The following PRR5L variants were observed in gnomAD, a reference collection of about 807,000 sequenced individuals.
PRR5L encodes proline rich 5 like.
Under a neutral mutation model 36.4 loss-of-function variants are expected in PRR5L, and 21 were observed. The observed-to-expected ratio is 0.58, with a 90% CI of 0.41 to 0.83. The LOEUF (loss-of-function observed/expected upper bound fraction) is 0.83. PRR5L is among the 40% of genes least tolerant of loss of function. The pLI, the probability that PRR5L is intolerant of heterozygous loss-of-function variation, is 0.00. For missense variants in PRR5L, 381 were observed against 473.3 expected, an observed-to-expected ratio of 0.80 and a Z score of 1.81; for synonymous variants, 188 against 197.0, an observed-to-expected ratio of 0.95 and a Z score of 0.38.
At chr11:36,317,438 G>A (rs1415981802) in intron 1 of PRR5L, among the ~76,000 whole-genome samples, 2 of 152,220 alleles carry the variant, frequency 1.3e-5, no homozygotes, top group African/African-American at 4.8e-5. Flanking sequence ...CCAAATGGTA[G>A]AGATAGTGTG....
intron 1 of PRR5L, among the ~76,000 whole-genome samples, chr11:36,392,235 G>A (rs1234752983): frequency 6.6e-6 from 1 of 152,170 alleles, no homozygotes; most frequent in African/African-American, 2.4e-5. Flanking sequence ...CACTTAGATT[G>A]CATACAGATT....
chr11:36,305,939 T>G (rs1351177210), intron 1 of PRR5L, among the ~76,000 whole-genome samples: 1 of 152,240 alleles, frequency 6.6e-6, no homozygotes, highest in Non-Finnish European at 1.5e-5. Flanking sequence ...AAGGTTGCTG[T>G]GAGGACTGAC....
At chr11:36,342,693 C>G (rs1040660682) in intron 1 of PRR5L, among the ~76,000 whole-genome samples, 3 of 152,152 alleles carry the variant, frequency 2.0e-5, no homozygotes, top group East Asian at 3.9e-4. Flanking sequence ...GATGGGGCAC[C>G]CTTTCTGGTC....
At chr11:36,370,262 T>G (rs1333787305) in intron 1 of PRR5L, among the ~76,000 whole-genome samples, 1 of 152,224 alleles carries the variant, frequency 6.6e-6, no homozygotes, top group Non-Finnish European at 1.5e-5. Context: ...TTTCCATAAA[T>G]GCCTCTTTTC....
chr11:36,389,860 G>A (rs1333676039), intron 1 of PRR5L, among the ~76,000 whole-genome samples: 1 of 152,062 alleles, frequency 6.6e-6, no homozygotes. Flanking sequence ...TGATCCACCC[G>A]CCTTGGCCTC....
At chr11:36,411,571 G>A (rs118142473) in intron 3 of PRR5L, among the ~76,000 whole-genome samples, 44 of 152,148 alleles carry the variant, frequency 2.9e-4, no homozygotes, top group Middle Eastern at 3.4e-3. Context: ...CTCAGCTCCC[G>A]GCTTCCCTTT....
intron 1 of PRR5L, among the ~76,000 whole-genome samples, chr11:36,351,296 T>A (rs372503281): frequency 1.3e-5 from 1 of 79,578 alleles, no homozygotes; most frequent in African/African-American, 5.3e-5. Flanking sequence ...ATTTATATAT[T>A]TATATATATA....
intron 1 of PRR5L, among the ~76,000 whole-genome samples, chr11:36,299,647 A>C (rs1046998403): frequency 2.3e-4 from 35 of 152,168 alleles, no homozygotes; most frequent in African/African-American, 7.7e-4. Flanking sequence ...GAACCCTAGG[A>C]GTTCTTCTGC....
chr11:36,408,892 T>C (rs753430524), intron 3 of PRR5L, among the ~76,000 whole-genome samples: 1 of 152,148 alleles, frequency 6.6e-6, no homozygotes, highest in African/African-American at 2.4e-5. Flanking sequence ...TGTTGGGGTG[T>C]GTGTGTCGAA....
rs539012824 is a variant in PRR5L, at chr11:36,424,067, A to G, written c.294+4764A>G. Among the ~76,000 whole-genome samples, 7 of 152,306 alleles carry G rather than the reference A, an allele frequency of 4.6e-5. No homozygotes were observed. In the South Asian group the frequency reaches 1.4e-3, roughly 32 times the overall value. On this transcript the variant is annotated intron_variant, in intron 4 of 8. Coordinates refer to ENST00000530639, the MANE Select transcript of PRR5L (RefSeq NM_001160167.2). ...TGAATACTTTGATTGTACTTTTATC[A>G]TACTTTATGAGTCTCCGTGGAAAAA...
intron 1 of PRR5L, among the ~76,000 whole-genome samples, chr11:36,347,605 T>C (rs911895623): frequency 2.0e-5 from 3 of 151,918 alleles, no homozygotes; most frequent in Non-Finnish European, 2.9e-5. Flanking sequence ...TGGAGCTTGC[T>C]GAGCCTGAAG....
At chr11:36,403,948 C>G (rs12293884) in intron 3 of PRR5L, among the ~76,000 whole-genome samples, 34,730 of 152,150 alleles carry the variant, frequency 0.23, 5,614 homozygotes, top group African/African-American at 0.47. Context: ...AACACAGCTG[C>G]TGTGATGAAA....
intron 3 of PRR5L, among the ~76,000 whole-genome samples, chr11:36,418,150 T>G (rs1228082790): frequency 6.6e-6 from 1 of 152,248 alleles, no homozygotes; most frequent in East Asian, 1.9e-4. Flanking sequence ...AGACCTTGTC[T>G]GTCTCATTCA....
rs918046630 is a variant in PRR5L, at chr11:36,373,549, T to C, written c.-125-27448T>C. 4.0e-5 allele frequency among the ~76,000 whole-genome samples: 6 copies of C among 150,270 alleles called. No homozygotes were observed. In the Admixed American group the frequency reaches 4.0e-4, roughly 10 times the overall value. On this transcript the variant is annotated intron_variant, in intron 1 of 8. Transcript: ENST00000530639. The stretch of plus-strand genomic sequence containing the variant: ...AGAAATTTGAGGCTATGGTGAGCTA[T>C]GATTAAGACACTGCAGTCCAGCCTA...
chr11:36,303,709 T>C lies in PRR5L; in HGVS notation c.-126+7271T>C, dbSNP rs150296748. On this transcript the variant is annotated intron_variant, in intron 1 of 8. Coordinates refer to ENST00000530639, the MANE Select transcript of PRR5L (RefSeq NM_001160167.2). ...ATGTGACGTATGCACCTGTCTGTGT[T>C]TCACAAGAAGCCCTTGATCCTTGGG... is the stretch of plus-strand genomic sequence containing the variant. Among the ~76,000 whole-genome samples the C allele has an allele frequency of 2.1e-4, 32 of 152,326 alleles. 1 individual carries two copies. In the East Asian group the frequency reaches 6.2e-3, roughly 29 times the overall value.
At chr11:36,438,767 C>A (rs576333912) in intron 6 of PRR5L, among the ~76,000 whole-genome samples, 25 of 151,934 alleles carry the variant, frequency 1.6e-4, no homozygotes, top group African/African-American at 5.6e-4. Flanking sequence ...TGATGACAAC[C>A]CATCTCTATT....
rs1565406577 is a variant in PRR5L, at chr11:36,350,980, T to TTATATATTTA, written c.-125-50011_-125-50002dup. ...TATATATTTATATATTTATATATAT[T>TTATATATTTA]TATATATTTATATATTTATATATAT... is the stretch of plus-strand genomic sequence containing the variant. On this transcript the variant is annotated intron_variant, in intron 1 of 8. Coordinates refer to ENST00000530639, the MANE Select transcript of PRR5L (RefSeq NM_001160167.2). Among the ~76,000 whole-genome samples, 121 of 43,374 alleles carry TTATATATTTA rather than the reference T, an allele frequency of 2.8e-3. 29 individuals carry two copies. Among genetic ancestry groups the TTATATATTTA allele is most frequent in the African/African-American group, 0.012 (89 of 7,292 alleles). 28.5% of individuals were successfully genotyped at this position (43,374 alleles called of 152,430 possible). A position where few individuals can be genotyped will look rare whatever the true frequency, so the allele number is the denominator to read the frequency against.
chr11:36,342,913 C>A (rs1856830889), intron 1 of PRR5L, among the ~76,000 whole-genome samples: 1 of 152,174 alleles, frequency 6.6e-6, no homozygotes, highest in East Asian at 1.9e-4. Context: ...GGTGATGCAC[C>A]AGGGACTGCA....
chr11:36,458,062 A>G (rs1193538250), intron 8 of PRR5L, among the ~76,000 whole-genome samples: 1 of 152,234 alleles, frequency 6.6e-6, no homozygotes, highest in African/African-American at 2.4e-5. Flanking sequence ...GGAGAGTACG[A>G]GCATCCATGC....
Sources: gnomAD v4.1 joint callset for allele counts (sites outside exome capture counted in the v4.1 genomes callset) on GRCh38, gnomAD v4.1.1 for gene constraint, MANE v1.5 for transcripts, NCBI Gene and HGNC (gene_info 2026-07-23, HGNC 2026-07-21) for gene names.